The following AKR1C8 variants were observed in gnomAD, a reference collection of about 807,000 sequenced individuals.
The protein encoded by AKR1C8 is aldo-keto reductase family 1 member C-like protein 1.
At chr10:5,167,778 C>G in the AKR1C8 span, among the ~76,000 whole-genome samples, 2 of 151,340 alleles carry the variant, frequency 1.3e-5, no homozygotes, top group African/African-American at 4.9e-5. Flanking sequence ...TTAAGTATAA[C>G]AAAAAAAAGA....
chr10:5,165,038 T>G, the AKR1C8 span, among the ~76,000 whole-genome samples: 2 of 152,312 alleles, frequency 1.3e-5, no homozygotes, highest in Admixed American at 1.3e-4. Context: ...AAATAGGTAC[T>G]GATTTTGTGA....
chr10:5,164,867 A>T, the AKR1C8 span, among the ~76,000 whole-genome samples: 4 of 152,308 alleles, frequency 2.6e-5, no homozygotes, highest in Admixed American at 2.6e-4. Flanking sequence ...CTTTGGCACC[A>T]GAACTTCTAG....
At chr10:5,135,542 TTATC>T in the AKR1C8 span, among the ~76,000 whole-genome samples, 925 of 151,998 alleles carry the variant, frequency 6.1e-3, 5 homozygotes, top group African/African-American at 0.021. Context: ...TGGCTATCTA[TTATC>T]TATCTATCTA....
the AKR1C8 span, among the ~76,000 whole-genome samples, chr10:5,168,441 C>T: frequency 6.6e-6 from 1 of 152,096 alleles, no homozygotes; most frequent in Admixed American, 6.6e-5. Context: ...ACTACTATCC[C>T]TACCAGAAAT....
At chr10:5,140,840 A>T in the AKR1C8 span, among the ~76,000 whole-genome samples, 50,036 of 151,792 alleles carry the variant, frequency 0.33, 8,867 homozygotes, top group Non-Finnish European at 0.36. Flanking sequence ...AATTTAAAAA[A>T]AGAAAGAAAG....
the AKR1C8 span, among the ~76,000 whole-genome samples, chr10:5,136,768 C>T: frequency 6.6e-6 from 1 of 152,000 alleles, no homozygotes; most frequent in African/African-American, 2.4e-5. Flanking sequence ...TAGAGGAGGA[C>T]ATAAATAGTG....
the AKR1C8 span, among the ~76,000 whole-genome samples, chr10:5,178,098 C>A: frequency 1.3e-5 from 2 of 152,152 alleles, no homozygotes; most frequent in East Asian, 3.9e-4. Flanking sequence ...ATCTTTCCTT[C>A]TTTTTCTTGT....
At chr10:5,170,011 G>A in the AKR1C8 span, among the ~76,000 whole-genome samples, 1 of 152,006 alleles carries the variant, frequency 6.6e-6, no homozygotes, top group Non-Finnish European at 1.5e-5. Flanking sequence ...TTTAGGAGTT[G>A]ATTCCTGTAA....
At chr10:5,122,372 A>G in the AKR1C8 span, among the ~76,000 whole-genome samples, 1 of 152,002 alleles carries the variant, frequency 6.6e-6, no homozygotes, top group African/African-American at 2.4e-5. Flanking sequence ...ATTCTGCACC[A>G]CTTCTCAAAA....
the AKR1C8 span, chr10:5,158,807 T>G: frequency 2.2e-6 from 1 of 449,700 alleles, no homozygotes; most frequent in South Asian, 1.7e-5. Context: ...ACTACATTAA[T>G]AGATGTACTA....
chr10:5,132,746 C>G, the AKR1C8 span: 2 of 1,484,750 alleles, frequency 1.3e-6, no homozygotes, highest in Non-Finnish European at 1.9e-6. Flanking sequence ...ATTTTGTAAC[C>G]TCCACAACTC....
At chr10:5,137,367 C>T in the AKR1C8 span, among the ~76,000 whole-genome samples, 1 of 152,028 alleles carries the variant, frequency 6.6e-6, no homozygotes, top group African/African-American at 2.4e-5. Context: ...ACTGGCAAAC[C>T]GAATCCAGCA....
the AKR1C8 span, among the ~76,000 whole-genome samples, chr10:5,151,875 C>T: frequency 6.6e-6 from 1 of 151,994 alleles, no homozygotes; most frequent in Non-Finnish European, 1.5e-5. Flanking sequence ...TTTTATAACA[C>T]CTTATTCTTA....
chr10:5,123,669 T>A, the AKR1C8 span: 1 of 1,546,708 alleles, frequency 6.5e-7, no homozygotes, highest in Non-Finnish European at 8.9e-7. Flanking sequence ...AAATACTTCA[T>A]CAAAATGGCA....
At chr10:5,158,903 T>C in the AKR1C8 span, among the ~76,000 whole-genome samples, 2 of 152,220 alleles carry the variant, frequency 1.3e-5, no homozygotes, top group African/African-American at 4.8e-5. Context: ...AGTAATTTTC[T>C]TATTCCTTTT....
the AKR1C8 span, among the ~76,000 whole-genome samples, chr10:5,165,836 C>T: frequency 6.6e-6 from 1 of 152,048 alleles, no homozygotes; most frequent in Non-Finnish European, 1.5e-5. Context: ...CCTAGGGTAA[C>T]TCCAGGGAGG....
chr10:5,120,336 T>C, the AKR1C8 span, among the ~76,000 whole-genome samples: 1 of 151,066 alleles, frequency 6.6e-6, no homozygotes, highest in South Asian at 2.1e-4. Context: ...CTCCACACTC[T>C]ATATTTCTGT....
At chr10:5,142,214 A>G in the AKR1C8 span, among the ~76,000 whole-genome samples, 1 of 152,140 alleles carries the variant, frequency 6.6e-6, no homozygotes, top group African/African-American at 2.4e-5. Flanking sequence ...GCCTTCATAC[A>G]CTTGAAGAGA....
chr10:5,116,042 T>C, the AKR1C8 span, among the ~76,000 whole-genome samples: 1 of 152,166 alleles, frequency 6.6e-6, no homozygotes, highest in Admixed American at 6.5e-5. Flanking sequence ...CCTTCATTTT[T>C]GAAGGATCTG....
Sources: gnomAD v4.1 joint callset for allele counts (sites outside exome capture counted in the v4.1 genomes callset) on GRCh38, gnomAD v4.1.1 for gene constraint, MANE v1.5 for transcripts, NCBI Gene and HGNC (gene_info 2026-07-23, HGNC 2026-07-21) for gene names.